The following ATRNL1 variants were observed in gnomAD, a reference collection of about 807,000 sequenced individuals.
The protein encoded by ATRNL1 is attractin-like protein 1.
Under a neutral mutation model 182.7 loss-of-function variants are expected in ATRNL1, and 95 were observed. The ratio of observed to expected loss-of-function variants is 0.52; its 90% CI spans 0.44 to 0.62. The LOEUF (loss-of-function observed/expected upper bound fraction) is 0.62, where lower values mean the gene tolerates loss of function less well. ATRNL1 is among the 20% of genes least tolerant of loss of function. The pLI is 0.00. For synonymous variants in ATRNL1, 576 were observed against 568.3 expected (o/e 1.01, Z -0.19); for missense variants, 1,471 against 1,679.5 (o/e 0.88, Z 2.17).
chr10:115,598,395 G>A (rs776314060), intron 26 of ATRNL1, among the ~76,000 whole-genome samples: 24 of 77,980 alleles, frequency 3.1e-4, no homozygotes, highest in Non-Finnish European at 4.2e-4. Flanking sequence ...ACGGAATCTC[G>A]TTCTGTCGCC....
intron 26 of ATRNL1, among the ~76,000 whole-genome samples, chr10:115,676,121 G>C (rs979451333): frequency 1.3e-5 from 2 of 151,996 alleles, no homozygotes; most frequent in African/African-American, 4.8e-5. Context: ...GTTTCCTAAG[G>C]ATAATTCTTA....
chr10:115,425,285 A>C (rs1489973809), intron 20 of ATRNL1, among the ~76,000 whole-genome samples: 1 of 151,504 alleles, frequency 6.6e-6, no homozygotes, highest in African/African-American at 2.4e-5. Context: ...TAAACTTTTA[A>C]CTAGAGTTGA....
intron 27 of ATRNL1, among the ~76,000 whole-genome samples, chr10:115,751,321 A>G (rs1555070577): frequency 6.6e-6 from 1 of 152,080 alleles, no homozygotes; most frequent in Non-Finnish European, 1.5e-5. Flanking sequence ...TAGCTCCCTG[A>G]GAACTATTTT....
chr10:115,718,897 T>C (rs1175361520), intron 26 of ATRNL1, among the ~76,000 whole-genome samples: 1 of 152,030 alleles, frequency 6.6e-6, no homozygotes, highest in Non-Finnish European at 1.5e-5. Context: ...TCTCTGGTAT[T>C]TTTTTTGCTG....
intron 26 of ATRNL1, among the ~76,000 whole-genome samples, chr10:115,602,840 C>G (rs2133946699): frequency 7.3e-6 from 1 of 137,444 alleles, no homozygotes; most frequent in South Asian, 2.3e-4. Context: ...GGTGACAGAG[C>G]GAGACTCCGT....
At chr10:115,334,182 CT>C (rs1745641775) in intron 18 of ATRNL1, 99 bp from the exon 19 acceptor site, 3 of 789,450 alleles carry the variant, frequency 3.8e-6, no homozygotes, top group African/African-American at 1.8e-5. Flanking sequence ...TCTTTGGGCA[CT>C]TTTACAATCC....
At chr10:115,203,149 A>G (rs1848657154) in intron 8 of ATRNL1, among the ~76,000 whole-genome samples, 1 of 152,156 alleles carries the variant, frequency 6.6e-6, no homozygotes, top group Non-Finnish European at 1.5e-5. Flanking sequence ...CTTTGTTATT[A>G]CAACCAGAAG....
intron 26 of ATRNL1, among the ~76,000 whole-genome samples, chr10:115,577,445 G>A (rs1278901703): frequency 2.6e-5 from 4 of 151,370 alleles, no homozygotes; most frequent in African/African-American, 9.7e-5. Context: ...TACTTTCTTG[G>A]TTAAATTTAT....
In ATRNL1 at chr10:115,599,897, G is replaced by A. The variant is rs1592926846; in HGVS notation, c.3795+50361G>A. On this transcript the variant is annotated intron_variant, in intron 26 of 28. Transcript: ENST00000355044. ...GCTTAATGAATTTGGACAAATGTAT[G>A]TATCCAGTTAACCACCAACACAATC... Among the ~76,000 whole-genome samples the A allele has an allele frequency of 2.6e-5, 4 of 152,140 alleles. No individual in the cohort carries two copies. The South Asian group carries it at 6.2e-4, about 24-fold the overall frequency.
chr10:115,527,980 CCCTCCCTCCCTCCCTCCCTTCCTT>C (rs1314090589), intron 25 of ATRNL1, among the ~76,000 whole-genome samples: 3 of 21,518 alleles, frequency 1.4e-4, no homozygotes. Context: ...CTCCTTCCCT[CCCTCCCTCCCTCCCTCCCTTCCTT>C]CCTTCCTTCC....
intron 28 of ATRNL1, among the ~76,000 whole-genome samples, chr10:115,859,801 G>C (rs544426303): frequency 6.6e-6 from 1 of 152,132 alleles, no homozygotes; most frequent in Admixed American, 6.5e-5. Context: ...TGGAAGTCCT[G>C]GTGGAGGAGC....
At chr10:115,939,492 C>G (rs1555123692) in intron 28 of ATRNL1, among the ~76,000 whole-genome samples, 1 of 152,150 alleles carries the variant, frequency 6.6e-6, no homozygotes, top group African/African-American at 2.4e-5. Context: ...TATTGAAACC[C>G]CAGCATTTTT....
At chr10:115,105,589 A>C (rs915790616) in intron 1 of ATRNL1, among the ~76,000 whole-genome samples, 1 of 152,170 alleles carries the variant, frequency 6.6e-6, no homozygotes, top group East Asian at 1.9e-4. Flanking sequence ...GGAGGAAAAA[A>C]TGGTTTTGTG....
chr10:115,724,440 A>G (rs964052781), intron 26 of ATRNL1, among the ~76,000 whole-genome samples: 16 of 152,198 alleles, frequency 1.1e-4, no homozygotes, highest in African/African-American at 3.9e-4. Flanking sequence ...ATTTAACATT[A>G]TAATTGTACC....
chr10:115,674,053 T>C (rs923055688), intron 26 of ATRNL1, among the ~76,000 whole-genome samples: 2 of 152,096 alleles, frequency 1.3e-5, no homozygotes, highest in Admixed American at 6.6e-5. Flanking sequence ...GCTAGACTTA[T>C]GAGTGAAGGT....
At chr10:115,861,582 G>A (rs1555103472) in intron 28 of ATRNL1, among the ~76,000 whole-genome samples, 1 of 152,094 alleles carries the variant, frequency 6.6e-6, no homozygotes, top group Non-Finnish European at 1.5e-5. Context: ...CTTTATTGAG[G>A]TTAAATCAGT....
At chr10:115,134,039 T>C (rs1361270475) in intron 5 of ATRNL1, among the ~76,000 whole-genome samples, 3 of 152,036 alleles carry the variant, frequency 2.0e-5, no homozygotes, top group African/African-American at 4.8e-5. Flanking sequence ...ATTCAAAGCA[T>C]TGTGTAGAGG....
intron 27 of ATRNL1, among the ~76,000 whole-genome samples, chr10:115,810,649 T>C (rs1187505425): frequency 3.9e-5 from 6 of 152,020 alleles, no homozygotes; most frequent in South Asian, 4.1e-4. Flanking sequence ...TGTGAATATA[T>C]ATAATATTCT....
At position 115,273,392 on chromosome 10, in the gene ATRNL1, A is replaced by C. The variant is rs140939069; in HGVS notation, c.2100+4948A>C. Among the ~76,000 whole-genome samples, 770 of 152,248 alleles carry C rather than the reference A, an allele frequency of 5.1e-3. 5 individuals carry two copies. The highest frequency in any genetic ancestry group is 0.016 in the African/African-American group (681 of 41,548). ...ATACAAGTATCTTCACTTATTTGCC[A>C]TTCAGTGAGATCTGTCCGCATCCCT... On this transcript the variant is annotated intron_variant, in intron 13 of 28. Coordinates refer to ENST00000355044, the MANE Select transcript of ATRNL1 (RefSeq NM_207303.4).
Sources: allele counts gnomAD v4.1 joint callset (sites outside exome capture counted in the v4.1 genomes callset), GRCh38; gene constraint gnomAD v4.1.1; transcripts MANE v1.5; gene names NCBI Gene and HGNC (gene_info 2026-07-23, HGNC 2026-07-21).